Variants in VWA8 observed in about 807,000 individuals in gnomAD.
The protein encoded by VWA8 is von Willebrand factor A domain-containing protein 8.
A neutral mutation model predicts 241.5 loss-of-function variants in VWA8; 221 were observed. The observed-to-expected ratio is 0.91, with a 90% CI of 0.82 to 1.02. The LOEUF is 1.02. Among genes scored for constraint, VWA8 ranks in the 50% least tolerant of loss-of-function variants. The probability of loss-of-function intolerance (pLI) is 0.00; values close to 1 mark genes in which losing one functional copy is unlikely to be tolerated. For missense variants in VWA8, 2,322 were observed against 2,328.7 expected (o/e 1.00, Z 0.06); for synonymous variants, 852 against 827.1 (o/e 1.03, Z -0.52).
At chr13:41,569,946 G>A (rs1022861757) in intron 44 of VWA8, among the ~76,000 whole-genome samples, 1 of 152,048 alleles carries the variant, frequency 6.6e-6, no homozygotes, top group African/African-American at 2.4e-5. Context: ...GCAATAAGAA[G>A]GGATACATGT....
At chr13:41,725,548 A>G (rs1050227266) in intron 24 of VWA8, among the ~76,000 whole-genome samples, 7 of 152,224 alleles carry the variant, frequency 4.6e-5, no homozygotes, top group African/African-American at 1.7e-4. Context: ...AATCACTCCA[A>G]AAGAAGAGTA....
At chr13:41,650,104 C>A (rs1055335501) in intron 37 of VWA8, among the ~76,000 whole-genome samples, 1 of 152,132 alleles carries the variant, frequency 6.6e-6, no homozygotes, top group African/African-American at 2.4e-5. Context: ...ACCATATAAT[C>A]TTTAATCTAT....
At chr13:41,708,774 T>C (rs2045298585) in intron 26 of VWA8, among the ~76,000 whole-genome samples, 1 of 152,190 alleles carries the variant, frequency 6.6e-6, no homozygotes, top group Non-Finnish European at 1.5e-5. Flanking sequence ...TTCTCAAATA[T>C]ACTCCCCGAT....
At chr13:41,884,508 G>A (rs562004630) in intron 8 of VWA8, among the ~76,000 whole-genome samples, 5 of 151,746 alleles carry the variant, frequency 3.3e-5, no homozygotes, top group Middle Eastern at 3.4e-3. Flanking sequence ...TCATAGCAGC[G>A]GGAGAACGAA....
intron 37 of VWA8, among the ~76,000 whole-genome samples, chr13:41,632,940 C>A (rs2044735075): frequency 6.6e-6 from 1 of 152,140 alleles, no homozygotes; most frequent in Non-Finnish European, 1.5e-5. Context: ...CTGCACTGCA[C>A]ACACACAACT....
chr13:41,912,836 A>G (rs1326555074), intron 2 of VWA8, among the ~76,000 whole-genome samples: 2 of 152,170 alleles, frequency 1.3e-5, no homozygotes, highest in Non-Finnish European at 2.9e-5. Context: ...CACCCCATCA[A>G]TGTGCTCATC....
At chr13:41,889,639 A>G (rs1285511207) in intron 5 of VWA8, among the ~76,000 whole-genome samples, 1 of 152,196 alleles carries the variant, frequency 6.6e-6, no homozygotes, top group Non-Finnish European at 1.5e-5. Flanking sequence ...TTAGCCTCCC[A>G]AAGTGCTAGG....
At chr13:41,910,384 A>T (rs1207267088) in intron 3 of VWA8, among the ~76,000 whole-genome samples, 1 of 152,178 alleles carries the variant, frequency 6.6e-6, no homozygotes, top group Non-Finnish European at 1.5e-5. Flanking sequence ...CAGGAGTTGG[A>T]GACCAGCCTG....
intron 16 of VWA8, among the ~76,000 whole-genome samples, chr13:41,815,311 C>T (rs1593790669): frequency 1.3e-5 from 2 of 152,314 alleles, no homozygotes; most frequent in South Asian, 4.1e-4. Flanking sequence ...AAGTGACCAC[C>T]CTTATCCTCC....
At chr13:41,820,832 C>T (rs755366484) in intron 14 of VWA8, among the ~76,000 whole-genome samples, 3 of 152,160 alleles carry the variant, frequency 2.0e-5, no homozygotes, top group Non-Finnish European at 4.4e-5. Context: ...TTTTCCACTT[C>T]TGCTAAGTGG....
chr13:41,634,094 TG>T (rs2044742118), intron 37 of VWA8, among the ~76,000 whole-genome samples: 1 of 152,086 alleles, frequency 6.6e-6, no homozygotes, highest in African/African-American at 2.4e-5. Context: ...TGTTTGGCCA[TG>T]GGTGCCGTGG....
At chr13:41,948,058 C>T (rs1241017663) in intron 2 of VWA8, among the ~76,000 whole-genome samples, 1 of 151,376 alleles carries the variant, frequency 6.6e-6, no homozygotes, top group Non-Finnish European at 1.5e-5. Context: ...GAAAATATGT[C>T]CATATAAAAA....
intron 37 of VWA8, among the ~76,000 whole-genome samples, chr13:41,619,786 A>T (rs903065461): frequency 1.3e-5 from 2 of 151,698 alleles, no homozygotes; most frequent in Non-Finnish European, 2.9e-5. Flanking sequence ...TGATTTGCGT[A>T]TGTTGAACCA....
At chr13:41,569,578 TCA>T (rs1445338819) in intron 44 of VWA8, among the ~76,000 whole-genome samples, 2 of 151,606 alleles carry the variant, frequency 1.3e-5, no homozygotes, top group African/African-American at 4.8e-5. Flanking sequence ...ACATTTCCAG[TCA>T]CAGAGTATGA....
At chr13:41,585,750 G>A (rs954442193) in intron 42 of VWA8, among the ~76,000 whole-genome samples, 2 of 151,700 alleles carry the variant, frequency 1.3e-5, no homozygotes, top group African/African-American at 2.4e-5. Context: ...TGTAATCCCA[G>A]CTACTCAGGA....
At chr13:41,751,262 A>T (rs1450715679) in intron 21 of VWA8, among the ~76,000 whole-genome samples, 2 of 152,222 alleles carry the variant, frequency 1.3e-5, no homozygotes, top group African/African-American at 4.8e-5. Context: ...TTAAAAAATT[A>T]AAAAGGGGGG....
chr13:41,952,038 C>T (rs543836880), intron 1 of VWA8, among the ~76,000 whole-genome samples: 2 of 152,160 alleles, frequency 1.3e-5, no homozygotes, highest in South Asian at 2.1e-4. Flanking sequence ...CTCCATAACC[C>T]GTGCACCGCT....
intron 37 of VWA8, among the ~76,000 whole-genome samples, chr13:41,653,436 T>C (rs577572413): frequency 2.6e-5 from 4 of 152,302 alleles, no homozygotes; most frequent in Admixed American, 6.5e-5. Context: ...AAAAACATTC[T>C]ATGCTCATGG....
intron 37 of VWA8, among the ~76,000 whole-genome samples, chr13:41,630,379 G>A (rs1318483258): frequency 6.6e-6 from 1 of 151,688 alleles, no homozygotes; most frequent in Admixed American, 6.6e-5. Flanking sequence ...ACCCAACTCA[G>A]TCTCACCCTC....
Sources: gnomAD v4.1 joint callset for allele counts (sites outside exome capture counted in the v4.1 genomes callset) on GRCh38, gnomAD v4.1.1 for gene constraint, MANE v1.5 for transcripts, NCBI Gene and HGNC (gene_info 2026-07-23, HGNC 2026-07-21) for gene names.